Variants in NR2F1-AS1 observed in about 807,000 individuals in gnomAD.
NR2F1-AS1 encodes the protein NR2F1 regulatory antisense RNA 1.
intron 2 of NR2F1-AS1, among the ~76,000 whole-genome samples, chr5:93,562,808 C>T (rs995099184): frequency 6.6e-6 from 1 of 152,094 alleles, no homozygotes; most frequent in Non-Finnish European, 1.5e-5. Flanking sequence ...CTCCACATGC[C>T]TTAAGCATGA....
At chr5:93,495,720 CATGATTTGTATATCATATACACAAATATG>C (rs1015154993) in intron 4 of NR2F1-AS1, among the ~76,000 whole-genome samples, 9 of 152,026 alleles carry the variant, frequency 5.9e-5, no homozygotes, top group African/African-American at 1.9e-4. Context: ...TATATACAAA[CATGATTTGTATATCATATACACAAATATG>C]ATGATTTGTA....
chr5:93,539,053 C>T (rs370035960), intron 4 of NR2F1-AS1, among the ~76,000 whole-genome samples: 8 of 152,196 alleles, frequency 5.3e-5, no homozygotes, highest in Admixed American at 5.2e-4. Flanking sequence ...CCGAGGCAGG[C>T]GGATCACTTG....
At chr5:93,449,620 A>G (rs1315396475) in intron 4 of NR2F1-AS1, among the ~76,000 whole-genome samples, 1 of 152,212 alleles carries the variant, frequency 6.6e-6, no homozygotes, top group Non-Finnish European at 1.5e-5. Flanking sequence ...AATTTACTAT[A>G]AATCTTACTT....
At chr5:93,446,705 T>C (rs1749716642) in intron 4 of NR2F1-AS1, among the ~76,000 whole-genome samples, 1 of 152,136 alleles carries the variant, frequency 6.6e-6, no homozygotes, top group African/African-American at 2.4e-5. Context: ...AAAACTACTT[T>C]AAAGTTTATA....
In NR2F1-AS1 at chr5:93,481,160, GA is replaced by G. The variant is rs1240725303; in HGVS notation, n.638+72600del. Among the ~76,000 whole-genome samples the G allele has an allele frequency of 2.6e-5, 4 of 151,954 alleles. No homozygotes were observed. In the South Asian group the frequency reaches 8.3e-4, roughly 32 times the overall value. Reference sequence around the variant, plus strand: ...CCCAAAGATATAATAAGTTAACAATGAAAGGATAGAAAAAAATATTCCATGC... The same window carrying G: ...CCCAAAGATATAATAAGTTAACAATGAAGGATAGAAAAAAATATTCCATGC... On this transcript the variant is annotated intron_variant and non_coding_transcript_variant, in intron 4 of 5. Coordinates refer to ENST00000660523, the Ensembl canonical transcript of NR2F1-AS1.
chr5:93,456,533 T>C (rs1036559803), intron 4 of NR2F1-AS1, among the ~76,000 whole-genome samples: 2 of 152,184 alleles, frequency 1.3e-5, no homozygotes, highest in African/African-American at 2.4e-5. Context: ...AGTTAATCTA[T>C]AGATTTGATA....
intron 4 of NR2F1-AS1, among the ~76,000 whole-genome samples, chr5:93,549,138 T>C (rs1192556702): frequency 6.6e-6 from 1 of 152,094 alleles, no homozygotes; most frequent in East Asian, 1.9e-4. Flanking sequence ...GGATTGAAAA[T>C]TAAATTTCAA....
At chr5:93,583,299 TTC>T (rs1753158493), upstream of NR2F1-AS1, 1 of 149,560 alleles carries the variant, frequency 6.7e-6, no homozygotes, top group Non-Finnish European at 1.5e-5. Flanking sequence ...CTCTCTCTTC[TTC>T]TCTTCTCTCT....
chr5:93,455,809 A>G (rs780682003), intron 4 of NR2F1-AS1, among the ~76,000 whole-genome samples: 9 of 151,572 alleles, frequency 5.9e-5, no homozygotes, highest in Non-Finnish European at 1.3e-4. Context: ...GAAAAAAATC[A>G]ATGTAAAATT....
At chr5:93,494,727 A>G (rs532673913) in intron 4 of NR2F1-AS1, among the ~76,000 whole-genome samples, 3 of 152,344 alleles carry the variant, frequency 2.0e-5, no homozygotes, top group Admixed American at 6.5e-5. Flanking sequence ...TTCCTCAAAA[A>G]GTTAAACACA....
At chr5:93,532,273 G>C (rs79552883) in intron 4 of NR2F1-AS1, among the ~76,000 whole-genome samples, 4,477 of 151,864 alleles carry the variant, frequency 0.029, 212 homozygotes, top group African/African-American at 0.1. Context: ...TTCAAATTTT[G>C]GACTTCTGTC....
chr5:93,468,863 AT>A (rs56800647), intron 4 of NR2F1-AS1, among the ~76,000 whole-genome samples: 2,564 of 149,600 alleles, frequency 0.017, 75 homozygotes, highest in African/African-American at 0.06. Context: ...CTTTCTACAT[AT>A]GGCTAGCCAG....
chr5:93,497,402 A>T (rs1012954887), intron 4 of NR2F1-AS1, among the ~76,000 whole-genome samples: 1 of 152,142 alleles, frequency 6.6e-6, no homozygotes, highest in Non-Finnish European at 1.5e-5. Flanking sequence ...TGTTCTCTTC[A>T]CCCAGCTGTC....
At chr5:93,445,069 A>G (rs182487296) in intron 4 of NR2F1-AS1, among the ~76,000 whole-genome samples, 13 of 152,350 alleles carry the variant, frequency 8.5e-5, no homozygotes, top group Admixed American at 3.9e-4. Flanking sequence ...AGGGAAAATT[A>G]TATCACTAAA....
At chr5:93,455,488 A>G (rs1427759781) in intron 4 of NR2F1-AS1, among the ~76,000 whole-genome samples, 3 of 152,192 alleles carry the variant, frequency 2.0e-5, no homozygotes, top group East Asian at 1.9e-4. Context: ...TTTAAACTCA[A>G]CCATACCAAT....
chr5:93,454,092 G>A (rs1030946153), intron 4 of NR2F1-AS1, among the ~76,000 whole-genome samples: 3 of 152,138 alleles, frequency 2.0e-5, no homozygotes, highest in Non-Finnish European at 4.4e-5. Flanking sequence ...TGGGCAATAT[G>A]GCAAGACCTC....
intron 4 of NR2F1-AS1, among the ~76,000 whole-genome samples, chr5:93,513,086 A>G (rs1394124548): frequency 6.6e-6 from 1 of 152,204 alleles, no homozygotes; most frequent in African/African-American, 2.4e-5. Context: ...TAATCATCAG[A>G]GAAAGGCAAA....
chr5:93,567,798 G>A (rs972555424), intron 1 of NR2F1-AS1, among the ~76,000 whole-genome samples: 2 of 152,214 alleles, frequency 1.3e-5, no homozygotes, highest in African/African-American at 4.8e-5. Context: ...CTTCCACAGT[G>A]TGGTGAACCC....
intron 1 of NR2F1-AS1, among the ~76,000 whole-genome samples, chr5:93,569,316 TTACAA>T (rs1430194101): frequency 1.3e-5 from 2 of 152,284 alleles, no homozygotes; most frequent in East Asian, 3.9e-4. Flanking sequence ...TAAGGAGGTA[TTACAA>T]GATCCAGAAT....
Sources: allele counts gnomAD v4.1 joint callset (sites outside exome capture counted in the v4.1 genomes callset), GRCh38; gene constraint gnomAD v4.1.1; transcripts MANE v1.5; gene names NCBI Gene and HGNC (gene_info 2026-07-23, HGNC 2026-07-21).